The following SHROOM4 variants were observed in gnomAD, a reference collection of about 807,000 sequenced individuals.
SHROOM4 encodes the protein shroom family member 4.
SHROOM4 carries 17 observed loss-of-function variants against 80.3 expected under a neutral mutation model. That is an observed-to-expected ratio of 0.21 (90% CI 0.14 to 0.32). SHROOM4 has a LOEUF of 0.32. SHROOM4 is among the 10% of genes least tolerant of loss of function. The pLI is 1.00. For synonymous variants in SHROOM4, 400 were observed against 437.5 expected, an observed-to-expected ratio of 0.91 and a Z score of 1.07; for missense variants, 993 against 1,140.3, an observed-to-expected ratio of 0.87 and a Z score of 1.86.
intron 2 of SHROOM4, among the ~76,000 whole-genome samples, chrX:50,686,765 G>A (rs1933082979): frequency 9.0e-6 from 1 of 111,406 alleles, no homozygotes; most frequent in African/African-American, 3.3e-5. Flanking sequence ...CAACCTGTAG[G>A]GGTCGTGCCA....
chrX:50,578,462 C>A, the SHROOM4 span, among the ~76,000 whole-genome samples: 2 of 111,513 alleles, frequency 1.8e-5, no homozygotes, highest in Admixed American at 1.9e-4. Context: ...CGTGCCACCA[C>A]GCCCAGCTAA....
intron 2 of SHROOM4, among the ~76,000 whole-genome samples, chrX:50,665,953 G>C (rs1349703996): frequency 9.0e-6 from 1 of 111,493 alleles, no homozygotes; most frequent in Non-Finnish European, 1.9e-5. Context: ...TCTTTTCCTG[G>C]TCTTAATATT....
intron 2 of SHROOM4, among the ~76,000 whole-genome samples, chrX:50,689,288 T>C (rs1933161710): frequency 9.0e-6 from 1 of 111,564 alleles, no homozygotes; most frequent in Non-Finnish European, 1.9e-5. Flanking sequence ...ATGAGAGTGA[T>C]AATCCCTGCT....
intron 1 of SHROOM4, among the ~76,000 whole-genome samples, chrX:50,778,806 A>G (rs141604065): frequency 0.017 from 1,898 of 112,155 alleles, 22 homozygotes; most frequent in Middle Eastern, 0.06. Flanking sequence ...AGTGGTTTTA[A>G]TAAAGGGAAT....
chrX:50,632,138 C>G (rs186684150), intron 4 of SHROOM4, among the ~76,000 whole-genome samples: 60 of 111,529 alleles, frequency 5.4e-4, no homozygotes, highest in Admixed American at 4.6e-3. Flanking sequence ...CTGCCCTTTT[C>G]CAGTCAATCT....
chrX:50,613,185 C>T (rs1310064439), intron 5 of SHROOM4, among the ~76,000 whole-genome samples: 4 of 111,465 alleles, frequency 3.6e-5, no homozygotes, highest in Non-Finnish European at 7.5e-5. Flanking sequence ...ATGATCTCCG[C>T]TCACTGCAAC....
intron 1 of SHROOM4, among the ~76,000 whole-genome samples, chrX:50,747,504 T>C (rs1164656529): frequency 8.9e-6 from 1 of 111,896 alleles, no homozygotes; most frequent in African/African-American, 3.2e-5. Context: ...TGGAATCTTG[T>C]AATATTAAAA....
intron 1 of SHROOM4, among the ~76,000 whole-genome samples, chrX:50,787,870 A>G (rs978247074): frequency 4.5e-5 from 5 of 111,406 alleles, no homozygotes; most frequent in Admixed American, 3.8e-4. Context: ...CAAACAGACA[A>G]ACAAAAAAAC....
rs1329289739 is a variant in SHROOM4 at position 50,588,831 on chromosome X, T to C, written c.*7864A>G. On this transcript the variant is annotated 3_prime_UTR_variant, in exon 9 of 9. Transcript: ENST00000376020. Reference sequence around the variant, plus strand: ...TGTGAATTATCTCATTTAATCAACATAGTAACACTTTGAGGTGGGGCTTTT... The same window carrying C: ...TGTGAATTATCTCATTTAATCAACACAGTAACACTTTGAGGTGGGGCTTTT... Among the ~76,000 whole-genome samples, 1 of 112,509 alleles carries C rather than the reference T, an allele frequency of 8.9e-6. No individual in the cohort carries two copies. The highest frequency in any genetic ancestry group is 3.7e-4 in the South Asian group (1 of 2,725).
At chrX:50,748,462 G>T (rs1171213937) in intron 1 of SHROOM4, among the ~76,000 whole-genome samples, 1 of 111,715 alleles carries the variant, frequency 9.0e-6, no homozygotes, top group East Asian at 2.8e-4. Context: ...CAGCTGGAGG[G>T]AGATTTTAGT....
chrX:50,589,159 C>T lies in SHROOM4; in HGVS notation c.*7536G>A, dbSNP rs1386338401. Among the ~76,000 whole-genome samples, 1 of 111,233 alleles carries T rather than the reference C, an allele frequency of 9.0e-6. No homozygotes were observed. Among genetic ancestry groups the T allele is most frequent in the Non-Finnish European group, 1.9e-5 (1 of 53,037 alleles). On this transcript the variant is annotated 3_prime_UTR_variant, in exon 9 of 9. Coordinates refer to ENST00000376020, the MANE Select transcript of SHROOM4 (RefSeq NM_020717.5). ...GAAGGTTGTAATAGTAAAGTCACTC[C>T]CAAATTCAAATATTGTAAATATTGT...
chrX:50,707,489 T>G (rs1456599308), intron 1 of SHROOM4, among the ~76,000 whole-genome samples: 1 of 111,607 alleles, frequency 9.0e-6, no homozygotes. Context: ...ATAGTGAAGT[T>G]TTGTCAGGTC....
chrX:50,682,573 A>G (rs963991294), intron 2 of SHROOM4, among the ~76,000 whole-genome samples: 1 of 111,711 alleles, frequency 9.0e-6, no homozygotes, highest in Non-Finnish European at 1.9e-5. Context: ...TAGATAGAGG[A>G]AATTAAAGGG....
At chrX:50,763,607 T>C (rs151301106) in intron 1 of SHROOM4, among the ~76,000 whole-genome samples, 1 of 112,022 alleles carries the variant, frequency 8.9e-6, no homozygotes, top group Non-Finnish European at 1.9e-5. Flanking sequence ...ATCTCCAATG[T>C]TACTGCTCAG....
In SHROOM4 at chrX:50,766,239, T is replaced by C. The variant is rs189982488; in HGVS notation, c.117+47663A>G. ...TTCTTGCTTCTAACCTTTTTAATGA[T>C]ACCTATCATAGTTTCCCTTGTGCTT... On this transcript the variant is annotated intron_variant, in intron 1 of 8. Coordinates refer to ENST00000376020, the MANE Select transcript of SHROOM4 (RefSeq NM_020717.5). Among the ~76,000 whole-genome samples, 429 of 111,550 alleles carry C rather than the reference T, an allele frequency of 3.8e-3. 2 individuals carry two copies. The highest frequency in any genetic ancestry group is 0.013 in the African/African-American group (396 of 30,706).
At chrX:50,709,915 T>C (rs1933767695) in intron 1 of SHROOM4, among the ~76,000 whole-genome samples, 1 of 112,052 alleles carries the variant, frequency 8.9e-6, no homozygotes, top group Non-Finnish European at 1.9e-5. Flanking sequence ...GTGAGGCCAG[T>C]AATCTGTGTT....
intron 1 of SHROOM4, among the ~76,000 whole-genome samples, chrX:50,789,448 G>A (rs181873416): frequency 6.6e-4 from 73 of 111,420 alleles, no homozygotes; most frequent in Admixed American, 2.1e-3. Flanking sequence ...AATATTTTGA[G>A]ATAAATGAAA....
At chrX:50,643,247 T>C (rs1476336714) in intron 2 of SHROOM4, 2 of 111,440 alleles carry the variant, frequency 1.8e-5, no homozygotes, top group African/African-American at 6.5e-5. Flanking sequence ...GAAAGAGATA[T>C]TGAAGAAAGA....
At chrX:50,742,238 T>C (rs1344398146) in intron 1 of SHROOM4, among the ~76,000 whole-genome samples, 1 of 111,209 alleles carries the variant, frequency 9.0e-6, no homozygotes, top group Non-Finnish European at 1.9e-5. Context: ...TCAAATAGTT[T>C]TAGATTTAAG....
Sources: gnomAD v4.1 joint callset for allele counts (sites outside exome capture counted in the v4.1 genomes callset) on GRCh38, gnomAD v4.1.1 for gene constraint, MANE v1.5 for transcripts, NCBI Gene and HGNC (gene_info 2026-07-23, HGNC 2026-07-21) for gene names.